Variants in KCNH8 observed in about 807,000 individuals in gnomAD.
KCNH8 encodes potassium voltage-gated channel subfamily H member 8.
Under a neutral mutation model 103.6 loss-of-function variants are expected in KCNH8, and 70 were observed. The observed-to-expected ratio is 0.68, with a 90% CI of 0.56 to 0.82. The LOEUF (loss-of-function observed/expected upper bound fraction) is 0.82, where lower values mean the gene tolerates loss of function less well. Ranked by LOEUF, KCNH8 falls within the 40% of genes least tolerant of loss-of-function variation. The probability of loss-of-function intolerance (pLI) is 0.00; values close to 1 mark genes in which losing one functional copy is unlikely to be tolerated. For synonymous variants in KCNH8, 498 were observed against 489.4 expected (o/e 1.02, Z -0.23); for missense variants, 1,217 against 1,329.9 (o/e 0.92, Z 1.32).
chr3:19,330,855 T>C (rs946271835), intron 3 of KCNH8, among the ~76,000 whole-genome samples: 8 of 152,208 alleles, frequency 5.3e-5, no homozygotes, highest in Non-Finnish European at 1.2e-4. Context: ...GATAATCATG[T>C]ATTGTGATAT....
intron 4 of KCNH8, among the ~76,000 whole-genome samples, chr3:19,343,431 G>T (rs1477999100): frequency 6.6e-6 from 1 of 152,072 alleles, no homozygotes; most frequent in Non-Finnish European, 1.5e-5. Context: ...TTAGCACTAA[G>T]ACTTCACTGA....
At chr3:19,236,615 C>T (rs901627141) in intron 1 of KCNH8, among the ~76,000 whole-genome samples, 1 of 152,040 alleles carries the variant, frequency 6.6e-6, no homozygotes, top group East Asian at 1.9e-4. Flanking sequence ...ATGCCCTTTC[C>T]TCAGAATCTG....
Position 19,336,266 on chromosome 3 carries a change from G to A in KCNH8, c.443-6321G>A, listed in dbSNP as rs143541435. 3.0e-3 allele frequency among the ~76,000 whole-genome samples: 450 copies of A among 151,732 alleles called. 2 individuals carry two copies. The highest frequency in any genetic ancestry group is 9.8e-3 in the African/African-American group (405 of 41,486). ...TTAACATTATTTCTTTTTAAAAACA[G>A]TCTTTTATTTCCAAAAGTCTATAAA... On this transcript the variant is annotated intron_variant, in intron 3 of 15. Coordinates refer to ENST00000328405, the MANE Select transcript of KCNH8 (RefSeq NM_144633.3).
At position 19,510,401 on chromosome 3, in the gene KCNH8, G is replaced by T; in HGVS notation, c.2079G>T (p.Gln693His). The T allele has an allele frequency of 6.4e-7, 1 of 1,568,980 alleles. No homozygotes were observed. The highest frequency in any genetic ancestry group is 8.8e-7 in the Non-Finnish European group (1 of 1,139,246). The change falls in exon 12 of 16, where the codon CAG becomes CAT. Residue 693 changes from glutamine to histidine, a missense_variant and splice_region_variant. By Grantham distance (24) the Gln-to-His change is conservative. Transcript: ENST00000328405. The part of the protein sequence containing the change: ...SRLSNKSMVS[Q>H]SEPKGNGNIN... ...TATCAAACAAATCTATGGTCTCACAGGTATGGCTTTTGCTACACAGCAAAA... is the reference window on the plus strand; with the variant it reads ...TATCAAACAAATCTATGGTCTCACATGTATGGCTTTTGCTACACAGCAAAA...
intron 11 of KCNH8, among the ~76,000 whole-genome samples, chr3:19,496,627 A>C (rs1192864365): frequency 1.3e-5 from 2 of 152,116 alleles, no homozygotes; most frequent in African/African-American, 4.8e-5. Context: ...GTCTGTGTTC[A>C]TCAAGGATAT....
At chr3:19,483,972 T>G (rs1443539109) in intron 11 of KCNH8, among the ~76,000 whole-genome samples, 3 of 152,198 alleles carry the variant, frequency 2.0e-5, no homozygotes, top group Non-Finnish European at 4.4e-5. Flanking sequence ...TAGTCCTAAT[T>G]TATGACAAAT....
chr3:19,253,802 C>A lies in KCNH8; in HGVS notation c.225C>A (p.Thr75=). 6.2e-7 allele frequency: 1 copy of A among 1,613,714 alleles called. No individual in the cohort carries two copies. The change falls in exon 2 of 16, where the codon ACC becomes ACA. Residue 75 remains threonine, a synonymous_variant. Coordinates refer to ENST00000328405, the MANE Select transcript of KCNH8 (RefSeq NM_144633.3). ...CSCKFLFGVE[T]NEQLMLQIEK... is the part of the protein sequence containing the mutation. ...GCAAGTTCTTATTTGGGGTTGAAAC[C>A]AATGAGCAACTGATGCTTCAAATAG...
At chr3:19,149,604 C>G (rs890770553) in intron 1 of KCNH8, among the ~76,000 whole-genome samples, 9 of 152,184 alleles carry the variant, frequency 5.9e-5, no homozygotes, top group African/African-American at 2.2e-4. Flanking sequence ...GTCCCCACTC[C>G]TTCTCAGGCT....
chr3:19,475,347 T>C lies in KCNH8; in HGVS notation c.2040+18365T>C, dbSNP rs1020520672. Reference sequence around the variant, plus strand: ...GAAGTTATGCCCATTCTAAGTGAATTTGCCTTGTTCACTGTTCACGTTTTT... The same window carrying C: ...GAAGTTATGCCCATTCTAAGTGAATCTGCCTTGTTCACTGTTCACGTTTTT... On this transcript the variant is annotated intron_variant, in intron 11 of 15. Transcript: ENST00000328405. Among the ~76,000 whole-genome samples the C allele has an allele frequency of 5.3e-5, 8 of 152,312 alleles. No homozygotes were observed. The South Asian group carries it at 1.4e-3, about 28-fold the overall frequency.
intron 2 of KCNH8, among the ~76,000 whole-genome samples, chr3:19,261,327 A>T (rs1218626246): frequency 6.6e-6 from 1 of 151,764 alleles, no homozygotes; most frequent in African/African-American, 2.4e-5. Context: ...AGTAGTTTTA[A>T]TTTGCATTTC....
At chr3:19,216,224 T>C (rs1344377635) in intron 1 of KCNH8, among the ~76,000 whole-genome samples, 1 of 152,154 alleles carries the variant, frequency 6.6e-6, no homozygotes, top group Admixed American at 6.5e-5. Context: ...ATTGATTCTC[T>C]CCATTCTAGG....
chr3:19,419,960 T>G (rs2066926754), intron 7 of KCNH8, among the ~76,000 whole-genome samples: 1 of 152,186 alleles, frequency 6.6e-6, no homozygotes, highest in African/African-American at 2.4e-5. Context: ...TTTAGTCTCA[T>G]AGGATAAAAT....
chr3:19,482,186 T>G, intron 11 of KCNH8, among the ~76,000 whole-genome samples: 1 of 152,186 alleles, frequency 6.6e-6, no homozygotes, highest in East Asian at 1.9e-4. Context: ...ATTTCCACAG[T>G]GCTTTTCCAT....
intron 1 of KCNH8, among the ~76,000 whole-genome samples, chr3:19,223,007 G>C (rs1029013852): frequency 1.3e-5 from 2 of 152,108 alleles, no homozygotes; most frequent in African/African-American, 4.8e-5. Context: ...CAAATATTCT[G>C]TGGTGTTTTG....
intron 10 of KCNH8, among the ~76,000 whole-genome samples, chr3:19,453,290 A>G (rs1454321710): frequency 6.6e-6 from 1 of 152,100 alleles, no homozygotes; most frequent in Admixed American, 6.6e-5. Flanking sequence ...GAAAGTCCAG[A>G]CTTCACCACT....
At chr3:19,482,144 CG>C (rs1004978903) in intron 11 of KCNH8, among the ~76,000 whole-genome samples, 85 of 152,180 alleles carry the variant, frequency 5.6e-4, no homozygotes, top group African/African-American at 2.0e-3. Context: ...GCACCTGCAC[CG>C]GTAATTAGAA....
intron 1 of KCNH8, among the ~76,000 whole-genome samples, chr3:19,235,985 T>C (rs2064059883): frequency 1.3e-5 from 2 of 152,232 alleles, no homozygotes; most frequent in Admixed American, 6.5e-5. Flanking sequence ...TTACATAATG[T>C]CATCGAATAA....
intron 7 of KCNH8, among the ~76,000 whole-genome samples, chr3:19,431,584 A>G (rs1296569259): frequency 4.6e-5 from 7 of 152,094 alleles, no homozygotes; most frequent in Admixed American, 3.9e-4. Flanking sequence ...CATCTGGTAG[A>G]CTTCAGCCAG....
intron 2 of KCNH8, among the ~76,000 whole-genome samples, chr3:19,258,348 A>G (rs1363883745): frequency 6.6e-6 from 1 of 151,976 alleles, no homozygotes; most frequent in Non-Finnish European, 1.5e-5. Flanking sequence ...GGAGGTGGAG[A>G]TGCTCCCATC....
Sources: allele counts gnomAD v4.1 joint callset (sites outside exome capture counted in the v4.1 genomes callset), GRCh38; gene constraint gnomAD v4.1.1; transcripts MANE v1.5; gene names NCBI Gene and HGNC (gene_info 2026-07-23, HGNC 2026-07-21).